The following HTR7 variants were observed in gnomAD, a reference collection of about 807,000 sequenced individuals.
The protein encoded by HTR7 is 5-hydroxytryptamine receptor 7.
Under a neutral mutation model 34.0 loss-of-function variants are expected in HTR7, and 16 were observed. That is an observed-to-expected ratio of 0.47 (90% CI 0.32 to 0.71). The LOEUF is 0.71. HTR7 is among the 30% of genes least tolerant of loss of function. The probability of loss-of-function intolerance (pLI) is 0.04; values close to 1 mark genes in which losing one functional copy is unlikely to be tolerated. For synonymous variants in HTR7, 265 were observed against 260.2 expected (o/e 1.02, Z -0.18); for missense variants, 504 against 625.5 (o/e 0.81, Z 2.07).
intron 2 of HTR7, 181 bp from the exon 3 acceptor site, chr10:90,743,871 C>G (rs190303626): frequency 1.4e-6 from 1 of 714,176 alleles, no homozygotes; most frequent in South Asian, 1.5e-5. Flanking sequence ...GTATTCACAG[C>G]TTTTCCTCCA....
At chr10:90,756,776 T>C (rs1272254872) in intron 1 of HTR7, among the ~76,000 whole-genome samples, 1 of 152,102 alleles carries the variant, frequency 6.6e-6, no homozygotes, top group Non-Finnish European at 1.5e-5. Context: ...ATTTGTTAAC[T>C]GTTGCTACAT....
chr10:90,780,673 A>C (rs1048664752), intron 1 of HTR7, among the ~76,000 whole-genome samples: 10 of 152,216 alleles, frequency 6.6e-5, no homozygotes, highest in East Asian at 3.8e-4. Flanking sequence ...GAGAGGCACA[A>C]CACCACAGGG....
chr10:90,840,177 T>TCTCTCACA lies in HTR7; in HGVS notation c.539+16955_539+16956insTGTGAGAG, dbSNP rs1478516123. Among the ~76,000 whole-genome samples, 777 of 136,868 alleles carry TCTCTCACA rather than the reference T, an allele frequency of 5.7e-3. 2 individuals are homozygous for TCTCTCACA. The highest frequency in any genetic ancestry group is 0.011 in the Middle Eastern group (3 of 274). The allele number at this position is 136,868 out of a possible 152,430, so 89.8% of individuals were successfully genotyped here. The stretch of plus-strand genomic sequence containing the variant: ...CTCCATCTGTTTCTCTCTCTCTCTC[T>TCTCTCACA]CACACACACACACACACACACACAC... On this transcript the variant is annotated intron_variant, in intron 1 of 3. Transcript: ENST00000336152.
intron 1 of HTR7, among the ~76,000 whole-genome samples, chr10:90,761,706 C>G (rs376196558): frequency 6.6e-6 from 1 of 151,704 alleles, no homozygotes; most frequent in Admixed American, 6.6e-5. Flanking sequence ...ATACAATACA[C>G]TATTGTTAAC....
At chr10:90,840,148 GTCTC>G (rs1846305259) in intron 1 of HTR7, among the ~76,000 whole-genome samples, 1 of 139,962 alleles carries the variant, frequency 7.1e-6, no homozygotes, top group African/African-American at 2.7e-5. Flanking sequence ...CCATCTGTCT[GTCTC>G]TCCATCTGTT....
At chr10:90,822,904 G>A (rs1846008490) in intron 1 of HTR7, among the ~76,000 whole-genome samples, 1 of 152,228 alleles carries the variant, frequency 6.6e-6, no homozygotes. Flanking sequence ...CAAGCCAGAA[G>A]CCACCAAGGC....
At chr10:90,815,319 T>C (rs1724000469) in intron 1 of HTR7, among the ~76,000 whole-genome samples, 1 of 152,162 alleles carries the variant, frequency 6.6e-6, no homozygotes. Flanking sequence ...CTTGAACTCC[T>C]GACCTCAGGC....
chr10:90,822,547 T>C (rs969287863), intron 1 of HTR7, among the ~76,000 whole-genome samples: 23 of 152,202 alleles, frequency 1.5e-4, no homozygotes, highest in African/African-American at 5.5e-4. Context: ...AGCATAAAAG[T>C]TTGGAAAATT....
At chr10:90,830,030 GCAATC>G (rs1846140588) in intron 1 of HTR7, among the ~76,000 whole-genome samples, 1 of 152,170 alleles carries the variant, frequency 6.6e-6, no homozygotes, top group African/African-American at 2.4e-5. Flanking sequence ...CAGATTCAAT[GCAATC>G]CATATCAAAA....
At position 90,831,384 on chromosome 10, in the gene HTR7, G is replaced by A. The variant is rs180949415; in HGVS notation, c.539+25749C>T. Among the ~76,000 whole-genome samples the A allele has an allele frequency of 4.0e-5, 6 of 151,716 alleles. No individual in the cohort carries two copies. In the South Asian group the frequency reaches 6.3e-4, roughly 16 times the overall value. On this transcript the variant is annotated intron_variant, in intron 1 of 3. Coordinates refer to ENST00000336152, the MANE Select transcript of HTR7 (RefSeq NM_019859.4). The stretch of plus-strand genomic sequence containing the variant: ...GGCGGTGAGTGTTACAGCTCAAGCC[G>A]GCACATCTGGAGTTGTTTGTTCCTC...
chr10:90,827,382 C>T (rs899715999), intron 1 of HTR7, among the ~76,000 whole-genome samples: 1 of 151,936 alleles, frequency 6.6e-6, no homozygotes, highest in Non-Finnish European at 1.5e-5. Flanking sequence ...CATGTCTCTA[C>T]TAAAAATAAA....
intron 1 of HTR7, among the ~76,000 whole-genome samples, chr10:90,816,191 GA>G (rs1443218231): frequency 6.6e-6 from 1 of 152,178 alleles, no homozygotes; most frequent in Non-Finnish European, 1.5e-5. Context: ...GACTGATAAA[GA>G]GCTGCTTGGT....
intron 1 of HTR7, among the ~76,000 whole-genome samples, chr10:90,756,448 T>C (rs1365103888): frequency 1.3e-5 from 2 of 152,226 alleles, no homozygotes; most frequent in African/African-American, 2.4e-5. Flanking sequence ...AAAACCAATG[T>C]TACAGTGGGG....
intron 1 of HTR7, among the ~76,000 whole-genome samples, chr10:90,777,505 C>G (rs370087923): frequency 6.7e-6 from 1 of 149,522 alleles, no homozygotes; most frequent in East Asian, 1.9e-4. Flanking sequence ...AAAAAAGATG[C>G]CTCCTACAAA....
chr10:90,827,455 C>T (rs1252712921), intron 1 of HTR7, among the ~76,000 whole-genome samples: 1 of 152,054 alleles, frequency 6.6e-6, no homozygotes, highest in Non-Finnish European at 1.5e-5. Flanking sequence ...AAAACAGACC[C>T]AGTGTTCTGT....
intron 1 of HTR7, among the ~76,000 whole-genome samples, chr10:90,799,338 CATGAATGA>C (rs113835217): frequency 0.036 from 5,405 of 150,520 alleles, 225 homozygotes; most frequent in East Asian, 0.11. Flanking sequence ...GCCGGCTCTG[CATGAATGA>C]ATGAATGAAT....
intron 1 of HTR7, among the ~76,000 whole-genome samples, chr10:90,816,256 A>G (rs1292175942): frequency 6.6e-6 from 1 of 152,128 alleles, no homozygotes; most frequent in Non-Finnish European, 1.5e-5. Flanking sequence ...GAAGGCTGCT[A>G]CTCTGATTGT....
Position 90,853,469 on chromosome 10 carries a change from TC to T in HTR7, c.539+3663del, listed in dbSNP as rs200022115. 1.5e-3 allele frequency among the ~76,000 whole-genome samples: 221 copies of T among 149,506 alleles called. 1 individual carries two copies. Among genetic ancestry groups the T allele is most frequent in the East Asian group, 8.7e-3 (44 of 5,076 alleles). ...CCTGGCTTTTTTGTTTCTTTTCTTTTCTTTTTTTTTTTTCCGTAGAGATGGG... is the reference window on the plus strand; with the variant it reads ...CCTGGCTTTTTTGTTTCTTTTCTTTTTTTTTTTTTTTTCCGTAGAGATGGG... On this transcript the variant is annotated intron_variant, in intron 1 of 3. Coordinates refer to ENST00000336152, the MANE Select transcript of HTR7 (RefSeq NM_019859.4).
At chr10:90,807,698 C>A (rs1474700421) in intron 1 of HTR7, among the ~76,000 whole-genome samples, 4 of 152,234 alleles carry the variant, frequency 2.6e-5, no homozygotes, top group African/African-American at 9.6e-5. Flanking sequence ...ATTGCTCACA[C>A]AAAGCCTGTT....
Sources: gnomAD v4.1 joint callset for allele counts (sites outside exome capture counted in the v4.1 genomes callset) on GRCh38, gnomAD v4.1.1 for gene constraint, MANE v1.5 for transcripts, NCBI Gene and HGNC (gene_info 2026-07-23, HGNC 2026-07-21) for gene names.